CYTH4: variants seen among roughly 807,000 people sequenced by gnomAD.
The protein encoded by CYTH4 is cytohesin-4.
Under a neutral mutation model 57.5 loss-of-function variants are expected in CYTH4, and 22 were observed. That is an observed-to-expected ratio of 0.38 (90% CI 0.27 to 0.55). The LOEUF is 0.55. Ranked by LOEUF, CYTH4 falls within the 20% of genes least tolerant of loss-of-function variation. The pLI, the probability that CYTH4 is intolerant of heterozygous loss-of-function variation, is 0.74. For missense variants in CYTH4, 420 were observed against 535.6 expected (o/e 0.78, Z 2.13); for synonymous variants, 186 against 206.5 (o/e 0.90, Z 0.85).
rs931815445 is a variant in CYTH4 at position 37,292,904 on chromosome 22, G to A, written c.102+201G>A. ...AGACCCAGGGAGAACTGGGAGAGCCGGGGAGGGAGGCAGCGATCCAATTAG... is the reference window on the plus strand; with the variant it reads ...AGACCCAGGGAGAACTGGGAGAGCCAGGGAGGGAGGCAGCGATCCAATTAG... On this transcript the variant is annotated intron_variant, in intron 2 of 12. Coordinates refer to ENST00000248901, the MANE Select transcript of CYTH4 (RefSeq NM_013385.5). Among the ~76,000 whole-genome samples the A allele has an allele frequency of 3.3e-5, 5 of 152,036 alleles. No homozygotes were observed. In the South Asian group the frequency reaches 6.3e-4, roughly 19 times the overall value.
chr22:37,300,204 C>A lies in CYTH4; in HGVS notation c.435-703C>A, dbSNP rs1929129372. 2 of 717,314 alleles carry A rather than the reference C, an allele frequency of 2.8e-6. 1 individual carries two copies. The highest frequency in any genetic ancestry group is 3.0e-5 in the South Asian group (2 of 67,608). 44.4% of individuals were successfully genotyped at this position (717,314 alleles called of 1,614,324 possible). ...GCTTTGGAGGGTGAGTAGGAGTTCACAATACAGAGAAGGAAGAAGCCACCA... is the reference window on the plus strand; with the variant it reads ...GCTTTGGAGGGTGAGTAGGAGTTCAAAATACAGAGAAGGAAGAAGCCACCA... On this transcript the variant is annotated intron_variant, in intron 6 of 12. Transcript: ENST00000248901.
chr22:37,306,356 G>A (rs760455751), intron 8 of CYTH4, among the ~76,000 whole-genome samples: 1 of 152,312 alleles, frequency 6.6e-6, no homozygotes, highest in East Asian at 1.9e-4. Context: ...CAGGCCTCTC[G>A]GTCAGAATGG....
At position 37,311,923 on chromosome 22, in the gene CYTH4, C is replaced by A. The variant is rs2269592; in HGVS notation, c.958-97C>A. 4.1e-4 allele frequency: 604 copies of A among 1,470,410 alleles called. 17 individuals carry two copies. In the East Asian group the frequency reaches 0.014, roughly 33 times the overall value. The allele number at this position is 1,470,410 out of a possible 1,614,324, so 91.1% of individuals were successfully genotyped here. On this transcript the variant is annotated intron_variant, in intron 11 of 12. Coordinates refer to ENST00000248901, the MANE Select transcript of CYTH4 (RefSeq NM_013385.5). This position sits in a 1 kb window ranked among gnomAD's most constrained non-coding sequence, Gnocchi z 4.4. ...CTTCGCCTGTCGTAGGGCTGTCACGCTGATCAGGGACACTAGCGTCTGGGC... is the reference window on the plus strand; with the variant it reads ...CTTCGCCTGTCGTAGGGCTGTCACGATGATCAGGGACACTAGCGTCTGGGC...
chr22:37,313,349 G>A, intron 12 of CYTH4, 90 bp from the exon 13 acceptor site: 6 of 1,326,260 alleles, frequency 4.5e-6, no homozygotes, highest in Non-Finnish European at 5.4e-6. Flanking sequence ...CACCTCCCTG[G>A]GAATCCCATG....
At position 37,282,523 on chromosome 22, in the gene CYTH4, C is replaced by A. The variant is rs761981963; in HGVS notation, c.-47C>A. On this transcript the variant is annotated 5_prime_UTR_variant, in exon 1 of 13. Coordinates refer to ENST00000248901, the MANE Select transcript of CYTH4 (RefSeq NM_013385.5). ...GGGCCAGCCCGAACAGCAGCTGGGT[C>A]GGCAAGCGACAGGAGCACGGGTCAT... 2 of 1,612,596 alleles carry A rather than the reference C, an allele frequency of 1.2e-6. No homozygotes were observed. The highest frequency in any genetic ancestry group is 2.2e-5 in the South Asian group (2 of 90,898).
intron 8 of CYTH4, among the ~76,000 whole-genome samples, chr22:37,305,922 C>G (rs1224742470): frequency 6.6e-6 from 1 of 150,574 alleles, no homozygotes; most frequent in Non-Finnish European, 1.5e-5. Flanking sequence ...CAACCTTGCT[C>G]TGGCCATCCA....
In CYTH4 at chr22:37,298,593, C is replaced by T. The variant is rs1411454187; in HGVS notation, c.354-633C>T. Among the ~76,000 whole-genome samples, 1 of 151,628 alleles carries T rather than the reference C, an allele frequency of 6.6e-6. No individual in the cohort carries two copies. Among genetic ancestry groups the T allele is most frequent in the Non-Finnish European group, 1.5e-5 (1 of 67,984 alleles). ...AAGGCCCTGGGGTCAGAAACAGGCT[C>T]AAGAATCTAGACTGGACGGGAGGAG... On this transcript the variant is annotated intron_variant, in intron 5 of 12. Transcript: ENST00000248901. The surrounding 1 kb of genome is among the most constrained non-coding windows in gnomAD (Gnocchi z 4.1).
At chr22:37,285,581 G>A (rs561817607) in intron 1 of CYTH4, among the ~76,000 whole-genome samples, 2 of 151,864 alleles carry the variant, frequency 1.3e-5, no homozygotes, top group Non-Finnish European at 1.5e-5. Flanking sequence ...CCTGGTGGTG[G>A]GCGCCTGTAA....
At chr22:37,293,160 G>A (rs553957913) in intron 2 of CYTH4, among the ~76,000 whole-genome samples, 3 of 152,350 alleles carry the variant, frequency 2.0e-5, no homozygotes, top group South Asian at 2.1e-4. Flanking sequence ...TTCCTGGAAC[G>A]TGCCTTGCTC....
In CYTH4 at chr22:37,289,872, G is replaced by A. The variant is rs150940703; in HGVS notation, c.20-2749G>A. Among the ~76,000 whole-genome samples the A allele has an allele frequency of 7.9e-3, 1,201 of 152,276 alleles. 9 individuals are homozygous for A. The highest frequency in any genetic ancestry group is 0.025 in the African/African-American group (1,047 of 41,548). On this transcript the variant is annotated intron_variant, in intron 1 of 12. Coordinates refer to ENST00000248901, the MANE Select transcript of CYTH4 (RefSeq NM_013385.5). Reference sequence around the variant, plus strand: ...GCTGGAAGGAGCAGGCCATCCTCCCGACCGGGGAAGTGCTTGGGTATGTGA... The same window carrying A: ...GCTGGAAGGAGCAGGCCATCCTCCCAACCGGGGAAGTGCTTGGGTATGTGA...
Position 37,314,079 on chromosome 22 carries a change from C to T in CYTH4, c.*568C>T, listed in dbSNP as rs914319388. The T allele has an allele frequency of 1.5e-5, 5 of 336,440 alleles. No individual in the cohort carries two copies. The highest frequency in any genetic ancestry group is 8.4e-5 in the African/African-American group (4 of 47,500). 20.8% of individuals were successfully genotyped at this position (336,440 alleles called of 1,614,324 possible). A position where few individuals can be genotyped will look rare whatever the true frequency, so the allele number is the denominator to read the frequency against. On this transcript the variant is annotated 3_prime_UTR_variant, in exon 13 of 13. Coordinates refer to ENST00000248901, the MANE Select transcript of CYTH4 (RefSeq NM_013385.5). Reference sequence around the variant, plus strand: ...CCGGGACAGAACCCCGGGAGCACTGCCCTAGGAGCCCGGACCCCACGAGCT... The same window carrying T: ...CCGGGACAGAACCCCGGGAGCACTGTCCTAGGAGCCCGGACCCCACGAGCT...
At chr22:37,307,529 G>A (rs376612734) in intron 8 of CYTH4, among the ~76,000 whole-genome samples, 1 of 152,134 alleles carries the variant, frequency 6.6e-6, no homozygotes, top group African/African-American at 2.4e-5. Flanking sequence ...ATTGAGCCCA[G>A]GGAAGCCACT....
At chr22:37,308,582 G>T (rs573984986) in intron 8 of CYTH4, among the ~76,000 whole-genome samples, 5 of 151,422 alleles carry the variant, frequency 3.3e-5, no homozygotes, top group African/African-American at 1.2e-4. Flanking sequence ...ATGTGTGAGC[G>T]TGTATATGTG....
At chr22:37,301,107 A>C in intron 7 of CYTH4, 88 bp downstream of exon 7, 1 of 1,166,140 alleles carries the variant, frequency 8.6e-7, no homozygotes, top group Non-Finnish European at 1.2e-6. Flanking sequence ...GGTTTCCCCC[A>C]GGTACCCAGA....
chr22:37,288,528 G>A (rs1429959170), intron 1 of CYTH4, among the ~76,000 whole-genome samples: 1 of 152,046 alleles, frequency 6.6e-6, no homozygotes, highest in Non-Finnish European at 1.5e-5. Flanking sequence ...AGAGGTTGCA[G>A]TGAGCCAAGA....
chr22:37,309,429 G>T (rs984044976), intron 9 of CYTH4, 106 bp downstream of exon 9: 7 of 981,562 alleles, frequency 7.1e-6, no homozygotes, highest in Admixed American at 2.0e-5. Flanking sequence ...CTGACACGAG[G>T]CTCACATGCA....
At chr22:37,296,204 T>C in intron 4 of CYTH4, 139 bp downstream of exon 4, 1 of 917,706 alleles carries the variant, frequency 1.1e-6, no homozygotes, top group South Asian at 1.7e-5. Context: ...GAGCATCTTG[T>C]CCAGTGCCCC....
At chr22:37,297,859 A>G (rs1427685528) in intron 5 of CYTH4, 177 bp downstream of exon 5, 3 of 543,004 alleles carry the variant, frequency 5.5e-6, no homozygotes, top group Non-Finnish European at 1.0e-5. Flanking sequence ...GCCTTCATTC[A>G]TTTAGTCATT....
In CYTH4 at chr22:37,299,216, C is replaced by A; in HGVS notation, c.354-10C>A. 1 of 1,611,480 alleles carries A rather than the reference C, an allele frequency of 6.2e-7. No individual in the cohort carries two copies. Among genetic ancestry groups the A allele is most frequent in the South Asian group, 1.1e-5 (1 of 90,874 alleles). On this transcript the variant is annotated splice_polypyrimidine_tract_variant and intron_variant, in intron 5 of 12. Coordinates refer to ENST00000248901, the MANE Select transcript of CYTH4 (RefSeq NM_013385.5). ...GTGTGTCCCACCCTCCCTTCCGCCT[C>A]CTCCCCCAGGGATCCCATCAACCTG...
Sources: gnomAD v4.1 joint callset for allele counts (sites outside exome capture counted in the v4.1 genomes callset) on GRCh38, gnomAD v4.1.1 for gene constraint, Gnocchi (gnomAD v3.1) non-coding constraint, MANE v1.5 for transcripts, NCBI Gene and HGNC (gene_info 2026-07-23, HGNC 2026-07-21) for gene names.